The following SORCS2 variants were observed in gnomAD, a reference collection of about 807,000 sequenced individuals.
The protein encoded by SORCS2 is VPS10 domain-containing receptor SorCS2.
SORCS2 carries 100 observed loss-of-function variants against 141.6 expected under a neutral mutation model. That is an observed-to-expected ratio of 0.71 (90% CI 0.60 to 0.83). The LOEUF is 0.83. Ranked by LOEUF, SORCS2 falls within the 40% of genes least tolerant of loss-of-function variation. The probability of loss-of-function intolerance (pLI) is 0.00; values close to 1 mark genes in which losing one functional copy is unlikely to be tolerated. For missense variants in SORCS2, 1,646 were observed against 1,560.2 expected (o/e 1.05, Z -0.93); for synonymous variants, 789 against 676.9 (o/e 1.17, Z -2.57).
intron 1 of SORCS2, among the ~76,000 whole-genome samples, chr4:7,390,706 AC>A (rs1414068094): frequency 6.6e-6 from 1 of 152,000 alleles, no homozygotes; most frequent in Non-Finnish European, 1.5e-5. Context: ...GGTGAACCTG[AC>A]CCCCGGATTA....
chr4:7,739,784 C>G (rs1005664359), intron 26 of SORCS2, among the ~76,000 whole-genome samples: 3 of 152,186 alleles, frequency 2.0e-5, no homozygotes, highest in African/African-American at 4.8e-5. Context: ...TTGGCACTGA[C>G]ATCCCTATGC....
chr4:7,231,884 C>A (rs1479400493), intron 1 of SORCS2, among the ~76,000 whole-genome samples: 1 of 152,080 alleles, frequency 6.6e-6, no homozygotes, highest in Non-Finnish European at 1.5e-5. Context: ...TTGGGAGAGA[C>A]CCAGGCTCTC....
At chr4:7,433,957 A>G (rs1349679283) in intron 2 of SORCS2, 14 of 1,613,828 alleles carry the variant, frequency 8.7e-6, no homozygotes, top group Non-Finnish European at 1.2e-5. Context: ...GTTGGACATG[A>G]GCCAGTGGTC....
chr4:7,489,505 T>C (rs1731190930), intron 2 of SORCS2, among the ~76,000 whole-genome samples: 1 of 150,372 alleles, frequency 6.7e-6, no homozygotes, highest in African/African-American at 2.5e-5. Context: ...CTCTCGGTGG[T>C]AAATAATCCA....
intron 9 of SORCS2, among the ~76,000 whole-genome samples, chr4:7,677,833 C>G (rs2108957386): frequency 6.6e-6 from 1 of 152,332 alleles, no homozygotes; most frequent in Admixed American, 6.5e-5. Context: ...CGGCCCTCCT[C>G]CACCTGCTAG....
chr4:7,305,329 C>T (rs1717736363), intron 1 of SORCS2, among the ~76,000 whole-genome samples: 1 of 68,708 alleles, frequency 1.5e-5, no homozygotes, highest in African/African-American at 3.1e-5. Flanking sequence ...CCACGCACGG[C>T]CCATTCTGGC....
intron 3 of SORCS2, among the ~76,000 whole-genome samples, chr4:7,621,159 C>A (rs1719143229): frequency 6.6e-6 from 1 of 152,190 alleles, no homozygotes; most frequent in African/African-American, 2.4e-5. Flanking sequence ...TGACCAGGCC[C>A]AGCGGAGATG....
At chr4:7,710,654 G>A (rs1487206377) in intron 14 of SORCS2, among the ~76,000 whole-genome samples, 22 of 152,204 alleles carry the variant, frequency 1.4e-4, no homozygotes, top group Non-Finnish European at 1.5e-5. Flanking sequence ...GGGTCCATCT[G>A]GAGACAGATG....
intron 23 of SORCS2, among the ~76,000 whole-genome samples, chr4:7,732,459 C>T (rs538939046): frequency 6.6e-6 from 1 of 152,282 alleles, no homozygotes; most frequent in South Asian, 2.1e-4. Flanking sequence ...TCACGCAGAC[C>T]CTGGAGGAGG....
intron 1 of SORCS2, among the ~76,000 whole-genome samples, chr4:7,327,940 T>A (rs6829129): frequency 0.12 from 18,760 of 151,420 alleles, 1,954 homozygotes; most frequent in East Asian, 0.28. Flanking sequence ...GACTCTACTA[T>A]GACACGTCTC....
chr4:7,383,175 T>A (rs1723094319), intron 1 of SORCS2, among the ~76,000 whole-genome samples: 2 of 152,100 alleles, frequency 1.3e-5, no homozygotes, highest in South Asian at 4.1e-4. Context: ...GATAATTTGG[T>A]ACGGAGCTCA....
At chr4:7,283,833 A>C (rs1156747311) in intron 1 of SORCS2, among the ~76,000 whole-genome samples, 1 of 152,064 alleles carries the variant, frequency 6.6e-6, no homozygotes, top group Admixed American at 6.5e-5. Flanking sequence ...GCAGGACCAG[A>C]ACCTGGGGAG....
intron 2 of SORCS2, among the ~76,000 whole-genome samples, chr4:7,512,218 C>A (rs182125709): frequency 2.0e-5 from 3 of 152,188 alleles, no homozygotes; most frequent in Non-Finnish European, 4.4e-5. Flanking sequence ...CTCATCAACC[C>A]ATCAGCCATG....
At chr4:7,654,470 C>T (rs969766300) in intron 5 of SORCS2, among the ~76,000 whole-genome samples, 5 of 152,204 alleles carry the variant, frequency 3.3e-5, no homozygotes, top group Non-Finnish European at 5.9e-5. Context: ...CCTCAGGCCA[C>T]GTTTTTACCC....
Position 7,373,458 on chromosome 4 carries a change from T to TTATA in SORCS2, c.481-22812_481-22809dup, listed in dbSNP as rs1553850461. ...TGTTGTATTGAATTGTGAGAAACTTTTATATATATATATATATATATTTTT... is the reference window on the plus strand; with the variant it reads ...TGTTGTATTGAATTGTGAGAAACTTTTATATATATATATATATATATATATTTTT... On this transcript the variant is annotated intron_variant, in intron 1 of 26. Coordinates refer to ENST00000507866, the MANE Select transcript of SORCS2 (RefSeq NM_020777.3). Among the ~76,000 whole-genome samples, 409 of 82,758 alleles carry TTATA rather than the reference T, an allele frequency of 4.9e-3. 9 individuals are homozygous for TTATA. The highest frequency in any genetic ancestry group is 0.019 in the African/African-American group (261 of 14,056). 54.3% of individuals were successfully genotyped at this position (82,758 alleles called of 152,430 possible).
At chr4:7,656,254 A>C (rs1469440792) in intron 5 of SORCS2, among the ~76,000 whole-genome samples, 2 of 152,342 alleles carry the variant, frequency 1.3e-5, no homozygotes, top group East Asian at 3.9e-4. Context: ...GAGCAGCCCC[A>C]GGTGCCCTGA....
At chr4:7,425,541 C>G (rs1022760625) in intron 2 of SORCS2, among the ~76,000 whole-genome samples, 2 of 152,154 alleles carry the variant, frequency 1.3e-5, no homozygotes, top group South Asian at 2.1e-4. Flanking sequence ...ATTAGAAGCC[C>G]GACACCTGAG....
Position 7,697,198 on chromosome 4 carries a change from G to A in SORCS2, c.1592G>A (p.Gly531Asp), listed in dbSNP as rs1179041558. ...DTAPGLIMGA[G>D]NLGSQLVEYK... is the part of the protein sequence containing the mutation. ...TACTGCCCCTTTTCTTTTGGACCAGGTAACCTGGGCTCACAGCTGGTGGAA... is the reference window on the plus strand; with the variant it reads ...TACTGCCCCTTTTCTTTTGGACCAGATAACCTGGGCTCACAGCTGGTGGAA... Residue 531 changes from glycine (G) to aspartate (D), a missense_variant and splice_region_variant, in exon 12 of 27, where the codon GGT becomes GAT. Coordinates refer to ENST00000507866, the MANE Select transcript of SORCS2 (RefSeq NM_020777.3). 2 of 1,578,356 alleles carry A rather than the reference G, an allele frequency of 1.3e-6. No homozygotes were observed. The highest frequency in any genetic ancestry group is 1.3e-5 in the African/African-American group (1 of 74,322).
At chr4:7,327,808 C>G (rs6842332) in intron 1 of SORCS2, among the ~76,000 whole-genome samples, 20,696 of 151,772 alleles carry the variant, frequency 0.14, 2,426 homozygotes, top group African/African-American at 0.31. Context: ...TGACCGCCCC[C>G]CCCAACCCCG....
Sources: gnomAD v4.1 joint callset for allele counts (sites outside exome capture counted in the v4.1 genomes callset) on GRCh38, gnomAD v4.1.1 for gene constraint, MANE v1.5 for transcripts, NCBI Gene and HGNC (gene_info 2026-07-23, HGNC 2026-07-21) for gene names.